The following CHN1 variants were observed in gnomAD, a reference collection of about 807,000 sequenced individuals.
The protein encoded by CHN1 is chimerin 1.
CHN1 carries 37 observed loss-of-function variants against 59.5 expected under a neutral mutation model. The ratio of observed to expected loss-of-function variants is 0.62; its 90% CI spans 0.48 to 0.82. The LOEUF is 0.82. Ranked by LOEUF, CHN1 falls within the 40% of genes least tolerant of loss-of-function variation. CHN1 has a pLI of 0.00. For synonymous variants in CHN1, 206 were observed against 200.4 expected (o/e 1.03, Z -0.24); for missense variants, 469 against 571.0 (o/e 0.82, Z 1.82).
At chr2:174,904,963 C>A (rs1688501756) in intron 5 of CHN1, among the ~76,000 whole-genome samples, 1 of 152,142 alleles carries the variant, frequency 6.6e-6, no homozygotes, top group African/African-American at 2.4e-5. Context: ...CAATCTCATG[C>A]ATTTACCTTA....
At chr2:174,862,644 T>C (rs1182709402) in intron 6 of CHN1, among the ~76,000 whole-genome samples, 1 of 152,212 alleles carries the variant, frequency 6.6e-6, no homozygotes, top group East Asian at 1.9e-4. Context: ...ATACTGTTTT[T>C]AATGAACAAT....
chr2:174,847,282 T>G (rs1238430273), intron 6 of CHN1: 4 of 1,369,590 alleles, frequency 2.9e-6, no homozygotes, highest in Non-Finnish European at 3.7e-6. Context: ...AGGAGGAGGA[T>G]GAAGCACTTC....
intron 7 of CHN1, among the ~76,000 whole-genome samples, chr2:174,839,642 C>T (rs534158220): frequency 2.0e-5 from 3 of 148,742 alleles, no homozygotes; most frequent in East Asian, 2.0e-4. Context: ...CTTGCTCTAT[C>T]GTCCAGGCCA....
rs748056904 is a variant in CHN1 at position 174,801,699 on chromosome 2, T to C, written c.1208+8A>G. 8.1e-6 allele frequency: 13 copies of C among 1,607,060 alleles called. No individual in the cohort carries two copies. The East Asian group carries it at 2.2e-4, about 28-fold the overall frequency. On this transcript the variant is annotated splice_region_variant and intron_variant, in intron 12 of 12. Transcript: ENST00000409900. ...ATACAAGTGTAAGACTCAAAGTCTA[T>C]AGCTTGCCTCTTTAGATGTGCCATG...
At position 175,005,135 on chromosome 2, in the gene CHN1, C is replaced by CCCGCTAGCTCT; in HGVS notation, c.-234_-224dup. 7.7e-7 allele frequency: 1 copy of CCCGCTAGCTCT among 1,300,496 alleles called. No individual in the cohort carries two copies. The highest frequency in any genetic ancestry group is 1.9e-5 in the South Asian group (1 of 53,954). The allele number at this position is 1,300,496 out of a possible 1,614,324, so 80.6% of individuals were successfully genotyped here. A position where few individuals can be genotyped will look rare whatever the true frequency, so the allele number is the denominator to read the frequency against. On this transcript the variant is annotated 5_prime_UTR_variant, in exon 1 of 13. It removes the in-frame stop codon of an upstream open reading frame in the 5' UTR. Transcript: ENST00000409900. Reference sequence around the variant, plus strand: ...GTCGGGCGCACCGGGCCCAGGGAGCCCCGCTAGCTCTCCGCGAGCCGGCAC... The same window carrying CCCGCTAGCTCT: ...GTCGGGCGCACCGGGCCCAGGGAGCCCCGCTAGCTCTCCGCTAGCTCTCCGCGAGCCGGCAC...
chr2:174,847,966 T>C (rs898415094), intron 6 of CHN1, among the ~76,000 whole-genome samples: 5 of 152,128 alleles, frequency 3.3e-5, no homozygotes, highest in African/African-American at 1.2e-4. Context: ...CTGTATCCTT[T>C]GCTCATTATG....
At chr2:174,919,177 T>C (rs1357333577) in intron 3 of CHN1, among the ~76,000 whole-genome samples, 1 of 152,238 alleles carries the variant, frequency 6.6e-6, no homozygotes, top group Non-Finnish European at 1.5e-5. Flanking sequence ...GACACATTAC[T>C]GTATAAGACC....
intron 7 of CHN1, among the ~76,000 whole-genome samples, chr2:174,831,332 T>TA (rs1685872720): frequency 6.6e-6 from 1 of 152,198 alleles, no homozygotes; most frequent in Non-Finnish European, 1.5e-5. Flanking sequence ...GAAGTATATC[T>TA]AAAATTACAA....
intron 11 of CHN1, among the ~76,000 whole-genome samples, chr2:174,804,501 G>A (rs1684824827): frequency 6.6e-6 from 1 of 152,174 alleles, no homozygotes; most frequent in African/African-American, 2.4e-5. Context: ...ACAGACTGTG[G>A]AAGGCAAAGA....
chr2:174,968,360 C>G (rs1488384770), intron 1 of CHN1, among the ~76,000 whole-genome samples: 1 of 152,066 alleles, frequency 6.6e-6, no homozygotes, highest in African/African-American at 2.4e-5. Context: ...AACTGTAGAG[C>G]CAAATGTGGA....
chr2:174,889,276 T>G (rs948864809), intron 5 of CHN1, among the ~76,000 whole-genome samples: 2 of 152,102 alleles, frequency 1.3e-5, no homozygotes, highest in African/African-American at 4.8e-5. Flanking sequence ...AAGGTGGTTT[T>G]TTTTTCAAAC....
At chr2:175,004,781 C>T in intron 1 of CHN1, 113 bp downstream of exon 1, 2 of 466,042 alleles carry the variant, frequency 4.3e-6, no homozygotes, top group Non-Finnish European at 5.7e-6. Flanking sequence ...CCCGGCCCGC[C>T]CCGACCCCAC....
intron 3 of CHN1, chr2:174,921,055 G>A (rs963372639): frequency 7.5e-6 from 3 of 397,882 alleles, no homozygotes; most frequent in Non-Finnish European, 1.6e-5. Flanking sequence ...CTGAGAGGAG[G>A]CAGAGCTCAG....
chr2:174,919,610 T>A (rs1014601593), intron 3 of CHN1, among the ~76,000 whole-genome samples: 1 of 152,228 alleles, frequency 6.6e-6, no homozygotes, highest in Admixed American at 6.5e-5. Context: ...TTTATTTTTC[T>A]GGGCAAAATT....
At chr2:174,895,051 A>G (rs866423787) in intron 5 of CHN1, among the ~76,000 whole-genome samples, 102 of 138,102 alleles carry the variant, frequency 7.4e-4, no homozygotes, top group African/African-American at 2.3e-3. Context: ...ACACGCGCGC[A>G]CACACACACA....
intron 5 of CHN1, among the ~76,000 whole-genome samples, chr2:174,891,441 G>A (rs1362016307): frequency 6.6e-6 from 1 of 151,388 alleles, no homozygotes; most frequent in African/African-American, 2.4e-5. Context: ...TTGGTGGTGG[G>A]CACTTGTAAT....
At chr2:174,962,014 C>T (rs1195488258) in intron 1 of CHN1, among the ~76,000 whole-genome samples, 5 of 152,142 alleles carry the variant, frequency 3.3e-5, no homozygotes, top group Admixed American at 1.3e-4. Flanking sequence ...GGGCCAGGCG[C>T]GGTGGCTCAC....
Position 174,824,927 on chromosome 2 carries a change from C to T in CHN1, c.628-409G>A, listed in dbSNP as rs118166016. Among the ~76,000 whole-genome samples, 98 of 152,234 alleles carry T rather than the reference C, an allele frequency of 6.4e-4. 2 individuals are homozygous for T. In the East Asian group the frequency reaches 0.017, roughly 26 times the overall value. ...ACCCAGCCCATGGTTAGTAATGAAG[C>T]GCCAACATGGCTGCATTTAAAAGAA... On this transcript the variant is annotated intron_variant, in intron 7 of 12. Transcript: ENST00000409900.
intron 1 of CHN1, among the ~76,000 whole-genome samples, chr2:174,971,835 T>A (rs996445742): frequency 6.6e-6 from 1 of 152,168 alleles, no homozygotes; most frequent in African/African-American, 2.4e-5. Flanking sequence ...AACAGTGTCA[T>A]CCTAGGTGAC....
Sources: allele counts gnomAD v4.1 joint callset (sites outside exome capture counted in the v4.1 genomes callset), GRCh38; gene constraint gnomAD v4.1.1; transcripts MANE v1.5; gene names NCBI Gene and HGNC (gene_info 2026-07-23, HGNC 2026-07-21).